Variants in MRFAP1 observed in about 807,000 individuals in gnomAD.
MRFAP1 encodes MORF4 family-associated protein 1.
MRFAP1 carries 1 observed loss-of-function variant against 9.3 expected under a neutral mutation model. That is an observed-to-expected ratio of 0.11 (90% confidence interval 0.04 to 0.51). The LOEUF (loss-of-function observed/expected upper bound fraction) is 0.51. MRFAP1 is among the 20% of genes least tolerant of loss of function. MRFAP1 has a pLI of 0.94. For missense variants in MRFAP1, 180 were observed against 178.6 expected, an observed-to-expected ratio of 1.01 and a Z score of -0.04; for synonymous variants, 101 against 80.3, an observed-to-expected ratio of 1.26 and a Z score of -1.38.
Position 6,641,278 on chromosome 4 carries a change from C to T in MRFAP1, c.*12+20C>T. ...TCGGCGGTAAGTCGGGCACCCGCGCCAGGCCGAGGAGCGGCCCCAGCTTGG... is the reference window on the plus strand; with the variant it reads ...TCGGCGGTAAGTCGGGCACCCGCGCTAGGCCGAGGAGCGGCCCCAGCTTGG... On this transcript the variant is annotated intron_variant, in intron 1 of 1. Transcript: ENST00000382581. 6.5e-7 allele frequency: 1 copy of T among 1,536,160 alleles called. No homozygotes were observed.
Position 6,641,254 on chromosome 4 carries a change from C to T in MRFAP1, c.*8C>T, listed in dbSNP as rs780713377. The T allele has an allele frequency of 1.9e-6, 3 of 1,558,932 alleles. No individual in the cohort carries two copies. Among genetic ancestry groups the T allele is most frequent in the Admixed American group, 1.9e-5 (1 of 54,028 alleles). ...AAGAGCGAGTCGTCGTGAGCGCGGTCGGCGGTAAGTCGGGCACCCGCGCCA... is the reference window on the plus strand; with the variant it reads ...AAGAGCGAGTCGTCGTGAGCGCGGTTGGCGGTAAGTCGGGCACCCGCGCCA... On this transcript the variant is annotated 3_prime_UTR_variant, in exon 1 of 2. Transcript: ENST00000382581.
chr4:6,641,142 G>C lies in MRFAP1; in HGVS notation c.280G>C (p.Ala94Pro), dbSNP rs529892353. 1.2e-6 allele frequency: 2 copies of C among 1,614,162 alleles called. No individual in the cohort carries two copies. Among genetic ancestry groups the C allele is most frequent in the African/African-American group, 2.7e-5 (2 of 75,068 alleles). The change falls in exon 1 of 2, where the codon GCC (alanine) becomes CCC (proline). Residue 94 changes from alanine to proline, a missense_variant. Transcript: ENST00000382581. ...NPGDAAEGRA[A>P]KRCEKAEEKA... ...GGGCGACGCGGCCGAGGGCCGGGCG[G>C]CCAAGAGGTGCGAGAAGGCCGAGGA... is the stretch of plus-strand genomic sequence containing the variant.
Position 6,640,979 on chromosome 4 carries a change from C to G in MRFAP1, c.117C>G (p.Ile39Met). The change falls in exon 1 of 2, where the codon ATC becomes ATG. Residue 39 changes from isoleucine to methionine, a missense_variant. Physicochemically the swap from Ile to Met is conservative, Grantham distance 10. Coordinates refer to ENST00000382581, the MANE Select transcript of MRFAP1 (RefSeq NM_033296.3). Reference sequence around the variant, plus strand: ...TCATCAACGAGATGCGCGAGGACATCGCGTCGCTGACGCGCGAGCACGGGC... The same window carrying G: ...TCATCAACGAGATGCGCGAGGACATGGCGTCGCTGACGCGCGAGCACGGGC... ...LPVINEMRED[I>M]ASLTREHGRA... 7 of 1,614,120 alleles carry G rather than the reference C, an allele frequency of 4.3e-6. No individual in the cohort carries two copies. The highest frequency in any genetic ancestry group is 5.9e-6 in the Non-Finnish European group (7 of 1,180,026).
At chr4:6,641,548 G>C (rs933340890) in intron 1 of MRFAP1, 182 bp from the exon 2 acceptor site, 2 of 350,028 alleles carry the variant, frequency 5.7e-6, no homozygotes, top group East Asian at 1.0e-4. Context: ...TCCAGCAAGC[G>C]GGGGTGGAAA....
intron 1 of MRFAP1, 82 bp downstream of exon 1, chr4:6,641,340 C>T (rs914517366): frequency 1.3e-6 from 2 of 1,485,588 alleles, no homozygotes; most frequent in Non-Finnish European, 1.8e-6. Context: ...CGAGATGCAC[C>T]GGAATCGGGG....
Position 6,640,991 on chromosome 4 carries a change from G to A in MRFAP1, c.129G>A (p.Thr43=), listed in dbSNP as rs1469974535. 18 of 1,614,226 alleles carry A rather than the reference G, an allele frequency of 1.1e-5. No individual in the cohort carries two copies. The South Asian group carries it at 1.6e-4, about 15-fold the overall frequency. Residue 43 remains threonine (T), a synonymous_variant, in exon 1 of 2, where the codon ACG becomes ACA. Transcript: ENST00000382581. Reference sequence around the variant, plus strand: ...TGCGCGAGGACATCGCGTCGCTGACGCGCGAGCACGGGCGGGCGTACCTGC... The same window carrying A: ...TGCGCGAGGACATCGCGTCGCTGACACGCGAGCACGGGCGGGCGTACCTGC... ...NEMREDIASL[T]REHGRAYLRN...
intron 1 of MRFAP1, 179 bp downstream of exon 1, chr4:6,641,437 G>A (rs971753905): frequency 3.2e-5 from 24 of 751,878 alleles, no homozygotes; most frequent in Non-Finnish European, 4.1e-5. Flanking sequence ...GGCGGCGTGG[G>A]ATAATCAGAG....
In MRFAP1 at chr4:6,640,841, G is replaced by C; in HGVS notation, c.-22G>C. ...TCTCTCCAACAGACATCGCTATTGC[G>C]GTTCCGAGGCAGTGGGAAGAGATGC... On this transcript the variant is annotated 5_prime_UTR_variant, in exon 1 of 2. Coordinates refer to ENST00000382581, the MANE Select transcript of MRFAP1 (RefSeq NM_033296.3). 6.3e-7 allele frequency: 1 copy of C among 1,589,294 alleles called. No individual in the cohort carries two copies. Among genetic ancestry groups the C allele is most frequent in the Non-Finnish European group, 8.6e-7 (1 of 1,164,600 alleles).
Position 6,640,996 on chromosome 4 carries a change from A to T in MRFAP1, c.134A>T (p.Glu45Val). The change falls in exon 1 of 2, where the codon GAG becomes GTG. Residue 45 changes from glutamate (E) to valine (V), a missense_variant. Physicochemically the swap from Glu to Val is moderately radical, Grantham distance 121 (BLOSUM62 -2). Transcript: ENST00000382581. ...GAGGACATCGCGTCGCTGACGCGCG[A>T]GCACGGGCGGGCGTACCTGCGGAAC... The part of the protein sequence containing the change: ...MREDIASLTR[E>V]HGRAYLRNRS... 1 of 1,614,196 alleles carries T rather than the reference A, an allele frequency of 6.2e-7. No homozygotes were observed. The highest frequency in any genetic ancestry group is 8.5e-7 in the Non-Finnish European group (1 of 1,180,032).
chr4:6,641,290 C>T (rs566551776), intron 1 of MRFAP1, 32 bp downstream of exon 1: 71 of 1,531,846 alleles, frequency 4.6e-5, no homozygotes, highest in East Asian at 2.5e-4. Flanking sequence ...GGCCGAGGAG[C>T]GGCCCCAGCT....
chr4:6,641,371 C>A (rs1452958904), intron 1 of MRFAP1, 113 bp downstream of exon 1: 3 of 1,359,338 alleles, frequency 2.2e-6, no homozygotes, highest in Non-Finnish European at 3.0e-6. Flanking sequence ...AGAATAAAGG[C>A]GTGCTCGGGT....
In MRFAP1 at chr4:6,640,813, T is replaced by C; in HGVS notation, c.-50T>C. 6.4e-7 allele frequency: 1 copy of C among 1,555,254 alleles called. No homozygotes were observed. ...TTGCTAAGCATAGCGAGTGTCGGTT[T>C]TCTCTCTCCAACAGACATCGCTATT... On this transcript the variant is annotated 5_prime_UTR_variant, in exon 1 of 2. Transcript: ENST00000382581.
In MRFAP1 at chr4:6,641,168, G is replaced by T. The variant is rs1409835547; in HGVS notation, c.306G>T (p.Glu102Asp). The change falls in exon 1 of 2, where the codon GAG becomes GAT. Residue 102 changes from glutamate (E) to aspartate (D), a missense_variant. Physicochemically the swap from Glu to Asp is conservative, Grantham distance 45. Coordinates refer to ENST00000382581, the MANE Select transcript of MRFAP1 (RefSeq NM_033296.3). Reference sequence around the variant, plus strand: ...CCAAGAGGTGCGAGAAGGCCGAGGAGAAGGCCAAGGAGATTGCGAAGATGG... The same window carrying T: ...CCAAGAGGTGCGAGAAGGCCGAGGATAAGGCCAAGGAGATTGCGAAGATGG... Reference protein sequence around the residue: ...RAAKRCEKAEEKAKEIAKMAE... With the variant: ...RAAKRCEKAEDKAKEIAKMAE... 7 of 1,613,920 alleles carry T rather than the reference G, an allele frequency of 4.3e-6. No homozygotes were observed. The South Asian group carries it at 7.7e-5, about 18-fold the overall frequency.
chr4:6,641,513 CAG>C (rs1712830238), intron 1 of MRFAP1: 2 of 449,554 alleles, frequency 4.4e-6, no homozygotes, highest in Non-Finnish European at 7.9e-6. Flanking sequence ...GCCAAGGAAA[CAG>C]AAACGGACAA....
At position 6,640,785 on chromosome 4, in the gene MRFAP1, C is replaced by G; in HGVS notation, c.-78C>G. Reference sequence around the variant, plus strand: ...AAGTTTTCAGGAATATTCGGGCTCTCTATTGCTAAGCATAGCGAGTGTCGG... The same window carrying G: ...AAGTTTTCAGGAATATTCGGGCTCTGTATTGCTAAGCATAGCGAGTGTCGG... On this transcript the variant is annotated 5_prime_UTR_variant, in exon 1 of 2. Transcript: ENST00000382581. 1 of 1,507,080 alleles carries G rather than the reference C, an allele frequency of 6.6e-7. No individual in the cohort carries two copies. The highest frequency in any genetic ancestry group is 1.3e-5 in the South Asian group (1 of 78,902). 93.4% of individuals were successfully genotyped at this position (1,507,080 alleles called of 1,614,324 possible).
intron 1 of MRFAP1, 114 bp downstream of exon 1, chr4:6,641,372 G>T (rs933268958): frequency 1.5e-6 from 2 of 1,363,000 alleles, no homozygotes; most frequent in Non-Finnish European, 2.0e-6. Context: ...GAATAAAGGC[G>T]TGCTCGGGTC....
At position 6,641,171 on chromosome 4, in the gene MRFAP1, G is replaced by A. The variant is rs777280370; in HGVS notation, c.309G>A (p.Lys103=). ...AGAGGTGCGAGAAGGCCGAGGAGAA[G>A]GCCAAGGAGATTGCGAAGATGGCAG... The part of the protein sequence containing the change: ...AAKRCEKAEE[K]AKEIAKMAEM... Residue 103 remains lysine, a synonymous_variant, in exon 1 of 2, where the codon AAG becomes AAA. Coordinates refer to ENST00000382581, the MANE Select transcript of MRFAP1 (RefSeq NM_033296.3). 1.2e-6 allele frequency: 2 copies of A among 1,613,432 alleles called. No homozygotes were observed. The highest frequency in any genetic ancestry group is 8.5e-7 in the Non-Finnish European group (1 of 1,179,550).
Position 6,641,262 on chromosome 4 carries a change from A to T in MRFAP1, c.*12+4A>T. Reference sequence around the variant, plus strand: ...GTCGTCGTGAGCGCGGTCGGCGGTAAGTCGGGCACCCGCGCCAGGCCGAGG... The same window carrying T: ...GTCGTCGTGAGCGCGGTCGGCGGTATGTCGGGCACCCGCGCCAGGCCGAGG... On this transcript the variant is annotated splice_donor_region_variant and intron_variant, in intron 1 of 1. Coordinates refer to ENST00000382581, the MANE Select transcript of MRFAP1 (RefSeq NM_033296.3). The T allele has an allele frequency of 6.4e-7, 1 of 1,550,752 alleles. No individual in the cohort carries two copies. Among genetic ancestry groups the T allele is most frequent in the East Asian group, 2.3e-5 (1 of 44,034 alleles).
In MRFAP1 at chr4:6,642,728, A is replaced by T. The variant is rs1712885754; in HGVS notation, c.*1011A>T. The T allele has an allele frequency of 6.6e-6, 1 of 152,268 alleles. No individual in the cohort carries two copies. The highest frequency in any genetic ancestry group is 2.1e-4 in the South Asian group (1 of 4,838). 9.4% of individuals were successfully genotyped at this position (152,268 alleles called of 1,614,324 possible). A position where few individuals can be genotyped will look rare whatever the true frequency, so the allele number is the denominator to read the frequency against. ...TAATAAAAGTATTCATTTGCTTGAAAAGACGAAAGACCTAAAAGGTTATTG... is the reference window on the plus strand; with the variant it reads ...TAATAAAAGTATTCATTTGCTTGAATAGACGAAAGACCTAAAAGGTTATTG... On this transcript the variant is annotated 3_prime_UTR_variant, in exon 2 of 2. Coordinates refer to ENST00000382581, the MANE Select transcript of MRFAP1 (RefSeq NM_033296.3).
Sources: gnomAD v4.1 joint callset for allele counts on GRCh38, gnomAD v4.1.1 for gene constraint, MANE v1.5 for transcripts, NCBI Gene and HGNC (gene_info 2026-07-23, HGNC 2026-07-21) for gene names.